The following KDM6A variants were observed in gnomAD, a reference collection of about 807,000 sequenced individuals.
KDM6A encodes lysine demethylase 6A.
Under a neutral mutation model 117.6 loss-of-function variants are expected in KDM6A, and 11 were observed. The observed-to-expected ratio is 0.09, with a 90% CI of 0.06 to 0.15. The LOEUF is 0.15. Ranked by LOEUF, KDM6A falls within the 10% of genes least tolerant of loss-of-function variation. KDM6A has a pLI of 1.00. For missense variants in KDM6A, 799 were observed against 1,077.3 expected (o/e 0.74, Z 3.62); for synonymous variants, 384 against 396.1 (o/e 0.97, Z 0.36).
chrX:44,962,953 G>A (rs1266196872), intron 3 of KDM6A, among the ~76,000 whole-genome samples: 3 of 111,391 alleles, frequency 2.7e-5, no homozygotes, highest in Admixed American at 9.6e-5. Flanking sequence ...GAACTTTGTC[G>A]CATCAGTGGA....
chrX:45,054,988 G>A (rs2147934038), intron 10 of KDM6A, among the ~76,000 whole-genome samples: 1 of 111,424 alleles, frequency 9.0e-6, no homozygotes, highest in South Asian at 3.8e-4. Context: ...CAATGCGCAG[G>A]ACAGTCCTCT....
intron 25 of KDM6A, 151 bp from the exon 26 acceptor site, chrX:45,089,592 A>G (rs2045805068): frequency 6.2e-6 from 3 of 481,523 alleles, no homozygotes; most frequent in Non-Finnish European, 1.1e-5. Flanking sequence ...TACACACTCT[A>G]TATACATACA....
At position 45,089,302 on chromosome X, in the gene KDM6A, G is replaced by A. The variant is rs190083973; in HGVS notation, c.3705-441G>A. On this transcript the variant is annotated intron_variant, in intron 25 of 29. Coordinates refer to ENST00000611820, the MANE Select transcript of KDM6A (RefSeq NM_001291415.2). ...AGCACTTTGGGAGGCCGAAGCAGGC[G>A]GATCTCCTGAGGTCAGGAGTTCGAG... 5.3e-3 allele frequency among the ~76,000 whole-genome samples: 584 copies of A among 110,847 alleles called. 9 individuals carry two copies. Among genetic ancestry groups the A allele is most frequent in the African/African-American group, 0.016 (481 of 30,481 alleles).
intron 4 of KDM6A, among the ~76,000 whole-genome samples, chrX:45,001,501 A>G (rs749942148): frequency 1.8e-5 from 2 of 110,995 alleles, no homozygotes; most frequent in South Asian, 3.9e-4. Flanking sequence ...AGTGGTCCCA[A>G]TTTACTAAGG....
chrX:44,999,549 T>C (rs980921260), intron 4 of KDM6A, among the ~76,000 whole-genome samples: 19 of 111,503 alleles, frequency 1.7e-4, no homozygotes, highest in African/African-American at 6.2e-4. Flanking sequence ...AGCAGGTAAT[T>C]GAAAAAGGTT....
In KDM6A at chrX:45,070,009, T is replaced by C. The variant is rs1167845073; in HGVS notation, c.2510T>C (p.Met837Thr). The C allele has an allele frequency of 4.1e-6, 5 of 1,210,103 alleles. No individual in the cohort carries two copies. In the Admixed American group the frequency reaches 6.5e-5, roughly 16 times the overall value. Residue 837 changes from methionine to threonine, a missense_variant, in exon 18 of 30, where the codon ATG (methionine) becomes ACG (threonine). Around this residue, in one of 8 missense-constraint regions of KDM6A, gnomAD observed 301 missense variants for 318.3 expected, o/e 0.95. Transcript: ENST00000611820. ...AATCCTCAGCTCTCTGCCTTGTTGA[T>C]GGGAAAAGCCAATAACAATGTGGGT... Reference protein sequence around the residue: ...SDNPQLSALLMGKANNNVGTG... With the variant: ...SDNPQLSALLTGKANNNVGTG...
chrX:44,908,284 T>G (rs934790082), intron 2 of KDM6A, among the ~76,000 whole-genome samples: 12 of 111,916 alleles, frequency 1.1e-4, no homozygotes, highest in Non-Finnish European at 2.1e-4. Context: ...CTGGTTATCT[T>G]GTTGCATAAC....
intron 4 of KDM6A, among the ~76,000 whole-genome samples, chrX:44,987,403 T>A (rs991976104): frequency 2.7e-5 from 3 of 111,704 alleles, no homozygotes; most frequent in Non-Finnish European, 3.8e-5. Context: ...TTTAGCCCAT[T>A]TCCAATTAAG....
chrX:45,041,427 A>G (rs1299733460), intron 8 of KDM6A, among the ~76,000 whole-genome samples: 2 of 85,849 alleles, frequency 2.3e-5, no homozygotes. Flanking sequence ...CCGGGCGGGG[A>G]CTGACCCCCC....
At chrX:44,931,671 C>G (rs1189799449) in intron 2 of KDM6A, among the ~76,000 whole-genome samples, 3 of 110,952 alleles carry the variant, frequency 2.7e-5, no homozygotes, top group Non-Finnish European at 5.7e-5. Context: ...ATCATAGAAA[C>G]AGGAAGTAGA....
chrX:45,018,798 A>G lies in KDM6A; in HGVS notation c.444-1812A>G, dbSNP rs776863974. On this transcript the variant is annotated intron_variant, in intron 5 of 29. Coordinates refer to ENST00000611820, the MANE Select transcript of KDM6A (RefSeq NM_001291415.2). ...GGGTTTTTTATTGGCATGTGTGGAC[A>G]TTGCTTAGTTCTGACCCATTCCATT... is the stretch of plus-strand genomic sequence containing the variant. Among the ~76,000 whole-genome samples the G allele has an allele frequency of 3.6e-4, 40 of 111,163 alleles. 1 individual carries two copies. The highest frequency in any genetic ancestry group is 1.3e-4 in the Non-Finnish European group (7 of 52,918).
intron 2 of KDM6A, among the ~76,000 whole-genome samples, chrX:44,923,405 C>T (rs898429846): frequency 9.3e-6 from 1 of 107,937 alleles, no homozygotes; most frequent in Non-Finnish European, 1.9e-5. Context: ...TGAAATTATT[C>T]TATCACTTAC....
intron 2 of KDM6A, among the ~76,000 whole-genome samples, chrX:44,937,318 T>A (rs1313078932): frequency 9.0e-6 from 1 of 111,389 alleles, no homozygotes; most frequent in African/African-American, 3.3e-5. Context: ...CACACCTTGC[T>A]TTATTGTGCT....
chrX:45,014,332 G>A (rs1195737320), intron 5 of KDM6A, among the ~76,000 whole-genome samples: 1 of 111,658 alleles, frequency 9.0e-6, no homozygotes, highest in Non-Finnish European at 1.9e-5. Flanking sequence ...TATTTGGTCA[G>A]TTTTTCCAGT....
At chrX:44,907,663 G>A (rs1360014514) in intron 2 of KDM6A, among the ~76,000 whole-genome samples, 1 of 106,879 alleles carries the variant, frequency 9.4e-6, no homozygotes, top group African/African-American at 3.4e-5. Flanking sequence ...GATCAGGCTG[G>A]TCTCGAACTC....
At chrX:44,967,691 C>A (rs1313149567) in intron 3 of KDM6A, among the ~76,000 whole-genome samples, 1 of 111,804 alleles carries the variant, frequency 8.9e-6, no homozygotes, top group Non-Finnish European at 1.9e-5. Context: ...GTTTTTCTTA[C>A]CCTTAATTGT....
At chrX:45,051,394 G>A (rs958981483) in intron 8 of KDM6A, among the ~76,000 whole-genome samples, 2 of 111,531 alleles carry the variant, frequency 1.8e-5, no homozygotes, top group Non-Finnish European at 3.8e-5. Flanking sequence ...TACGTCTAAT[G>A]TTATTAAATA....
intron 4 of KDM6A, among the ~76,000 whole-genome samples, chrX:44,992,219 T>C (rs1167395154): frequency 5.5e-5 from 3 of 54,264 alleles, no homozygotes; most frequent in African/African-American, 3.2e-4. Context: ...TTTTTTTTTT[T>C]TTTTTTTTTT....
intron 4 of KDM6A, among the ~76,000 whole-genome samples, chrX:44,990,551 A>AAT (rs2040516417): frequency 4.6e-5 from 1 of 21,835 alleles, no homozygotes; most frequent in African/African-American, 2.5e-4. Context: ...TGTGTCTCAA[A>AAT]ACATAAATAA....
Sources: allele counts gnomAD v4.1 joint callset (sites outside exome capture counted in the v4.1 genomes callset), GRCh38; gene constraint gnomAD v4.1.1; regional missense constraint gnomAD v4.1.1; transcripts MANE v1.5; gene names NCBI Gene and HGNC (gene_info 2026-07-23, HGNC 2026-07-21).